LRRC9: variants seen among roughly 807,000 people sequenced by gnomAD.
The protein encoded by LRRC9 is leucine rich repeat containing 9.
A neutral mutation model predicts 63.2 loss-of-function variants in LRRC9; 122 were observed. The ratio of observed to expected loss-of-function variants is 1.93; its 90% CI spans 1.67 to 2.24. The LOEUF is 2.24. Among genes scored for constraint, LRRC9 ranks in the 30% most tolerant of loss-of-function variants. The pLI, the probability that LRRC9 is intolerant of heterozygous loss-of-function variation, is 0.00. For missense variants in LRRC9, 1,071 were observed against 627.7 expected (o/e 1.71, Z -7.55); for synonymous variants, 366 against 213.1 (o/e 1.72, Z -6.25).
Position 59,929,629 on chromosome 14 carries a change from A to G in LRRC9, c.267+1143A>G, listed in dbSNP as rs935096155. On this transcript the variant is annotated intron_variant, in intron 3 of 31. Coordinates refer to ENST00000445360, the Ensembl canonical transcript of LRRC9. The stretch of plus-strand genomic sequence containing the variant: ...CTATCATAAACACACATGCACGTGT[A>G]TGTTCATTACAGCAGTATTCACTAG... Among the ~76,000 whole-genome samples the G allele has an allele frequency of 3.9e-5, 6 of 152,298 alleles. No individual in the cohort carries two copies. In the East Asian group the frequency reaches 9.6e-4, roughly 24 times the overall value.
At position 59,951,959 on chromosome 14, in the gene LRRC9, C is replaced by G. The variant is rs199925545; in HGVS notation, c.882+7215C>G. Among the ~76,000 whole-genome samples the G allele has an allele frequency of 3.3e-3, 499 of 152,006 alleles. 17 individuals are homozygous for G. In the East Asian group the frequency reaches 0.056, roughly 17 times the overall value. On this transcript the variant is annotated intron_variant, in intron 8 of 31. Transcript: ENST00000445360. ...AGATTACTGCTGTCTTTTTGTTTGT[C>G]TGTGCCCTGCCCCCAGAGGTGGAGC...
At chr14:60,033,858 T>C (rs921580991) in intron 29 of LRRC9, among the ~76,000 whole-genome samples, 2 of 152,058 alleles carry the variant, frequency 1.3e-5, no homozygotes, top group African/African-American at 4.8e-5. Flanking sequence ...TTAAACCTTA[T>C]CTCTAGAACT....
In LRRC9 at chr14:59,942,702, T is replaced by C. The variant is rs1881908113; in HGVS notation, c.727-1887T>C. Among the ~76,000 whole-genome samples, 1 of 152,018 alleles carries C rather than the reference T, an allele frequency of 6.6e-6. No homozygotes were observed. Among genetic ancestry groups the C allele is most frequent in the Admixed American group, 6.5e-5 (1 of 15,268 alleles). The stretch of plus-strand genomic sequence containing the variant: ...GATATCACACCACTGCACTTCAGCC[T>C]GGGTGACAGAGTGAGACTCCGTCTC... On this transcript the variant is annotated intron_variant, in intron 7 of 31. Transcript: ENST00000445360. The surrounding 1 kb of genome is among the most constrained non-coding windows in gnomAD (Gnocchi z 5.3).
exon 13 of LRRC9, chr14:59,974,640 T>C (rs1174522028): frequency 1.9e-5 from 13 of 693,582 alleles, no homozygotes; most frequent in South Asian, 1.8e-4. Flanking sequence ...TGTCCCAGAA[T>C]TGAATTTTTA....
chr14:59,997,169 A>C (rs36024705), intron 17 of LRRC9, among the ~76,000 whole-genome samples: 1 of 152,010 alleles, frequency 6.6e-6, no homozygotes. Context: ...CAAATTTCCA[A>C]CAAGGAACAT....
chr14:59,924,293 T>A (rs899322694), intron 1 of LRRC9, among the ~76,000 whole-genome samples: 1 of 152,170 alleles, frequency 6.6e-6, no homozygotes, highest in African/African-American at 2.4e-5. Context: ...TGGTGCACTA[T>A]TCAAATAAAC....
At chr14:59,993,945 G>A (rs1888453442) in intron 17 of LRRC9, among the ~76,000 whole-genome samples, 1 of 152,122 alleles carries the variant, frequency 6.6e-6, no homozygotes, top group East Asian at 1.9e-4. Context: ...ATTGAACTCA[G>A]CTCTGCACCA....
In LRRC9 at chr14:59,923,683, C is replaced by T. The variant is rs768493959; in HGVS notation, c.-34+3800C>T. On this transcript the variant is annotated intron_variant, in intron 1 of 31. Transcript: ENST00000445360. The surrounding 1 kb of genome is among the most constrained non-coding windows in gnomAD (Gnocchi z 4.2). ...GAGGTGGCTCACGCCTGTAGGCTCA[C>T]GCCTCCCAGCACTCTGGGAAGCTGA... 2.0e-5 allele frequency among the ~76,000 whole-genome samples: 3 copies of T among 152,186 alleles called. No homozygotes were observed. The highest frequency in any genetic ancestry group is 7.2e-5 in the African/African-American group (3 of 41,440).
At chr14:60,037,072 A>C (rs879475590) in intron 29 of LRRC9, among the ~76,000 whole-genome samples, 5 of 152,266 alleles carry the variant, frequency 3.3e-5, no homozygotes, top group Admixed American at 3.3e-4. Flanking sequence ...AGCTCCATCC[A>C]TGTCCCTACA....
rs141498240 is a variant in LRRC9, at chr14:59,968,507, T to C, written c.1506+1294T>C. Reference sequence around the variant, plus strand: ...TTCCATCCACTCAGTGGAGAATGGGTTGGTGGGAGTAGAAGCAGATGACAA... The same window carrying C: ...TTCCATCCACTCAGTGGAGAATGGGCTGGTGGGAGTAGAAGCAGATGACAA... On this transcript the variant is annotated intron_variant, in intron 12 of 31. Coordinates refer to ENST00000445360, the Ensembl canonical transcript of LRRC9. Among the ~76,000 whole-genome samples the C allele has an allele frequency of 3.9e-5, 6 of 152,078 alleles. No homozygotes were observed. The East Asian group carries it at 1.2e-3, about 29-fold the overall frequency.
chr14:59,934,451 A>AC (rs1889965708), intron 6 of LRRC9, among the ~76,000 whole-genome samples: 1 of 152,224 alleles, frequency 6.6e-6, no homozygotes, highest in African/African-American at 2.4e-5. Flanking sequence ...AAGAGCAGTC[A>AC]TACCTTACAA....
intron 17 of LRRC9, among the ~76,000 whole-genome samples, chr14:59,992,062 C>T (rs1046496065): frequency 1.3e-5 from 2 of 152,178 alleles, no homozygotes; most frequent in African/African-American, 2.4e-5. Flanking sequence ...AGGCACCCCC[C>T]AGTAAGGGCA....
intron 28 of LRRC9, among the ~76,000 whole-genome samples, chr14:60,030,579 C>G (rs1891912341): frequency 6.6e-6 from 1 of 152,018 alleles, no homozygotes; most frequent in African/African-American, 2.4e-5. Context: ...CAGCAAAGGC[C>G]CCAATCCAGG....
intron 29 of LRRC9, among the ~76,000 whole-genome samples, chr14:60,037,259 A>G (rs1360274244): frequency 6.6e-6 from 1 of 152,212 alleles, no homozygotes; most frequent in East Asian, 1.9e-4. Flanking sequence ...AGCTTGGTTT[A>G]TAATCCTTTG....
At chr14:60,032,460 T>G (rs1892070991) in intron 29 of LRRC9, among the ~76,000 whole-genome samples, 1 of 152,104 alleles carries the variant, frequency 6.6e-6, no homozygotes, top group Non-Finnish European at 1.5e-5. Context: ...CCCTTTACAC[T>G]TTTCTATAAA....
intron 12 of LRRC9, among the ~76,000 whole-genome samples, chr14:59,972,332 T>C (rs748617484): frequency 2.0e-5 from 3 of 152,158 alleles, no homozygotes; most frequent in Non-Finnish European, 4.4e-5. Context: ...AAACAGATGA[T>C]TTACTTAACA....
At chr14:59,998,428 A>C (rs1298250320) in intron 18 of LRRC9, among the ~76,000 whole-genome samples, 3 of 152,032 alleles carry the variant, frequency 2.0e-5, no homozygotes, top group Non-Finnish European at 4.4e-5. Flanking sequence ...TCATTACAAA[A>C]ATATGTAGAT....
At chr14:60,045,075 C>A (rs577253598) in intron 29 of LRRC9, among the ~76,000 whole-genome samples, 1 of 92,030 alleles carries the variant, frequency 1.1e-5, no homozygotes. Context: ...TTTTGAAGGT[C>A]TTTGATTTGT....
At chr14:59,928,443 G>T (rs1889399122) in exon 3 of LRRC9, 1 of 695,054 alleles carries the variant, frequency 1.4e-6, no homozygotes, top group East Asian at 2.7e-5. Context: ...TTAGAGCCTT[G>T]TTTACAACTT....
Sources: allele counts gnomAD v4.1 joint callset (sites outside exome capture counted in the v4.1 genomes callset), GRCh38; gene constraint gnomAD v4.1.1; non-coding constraint Gnocchi (gnomAD v3.1); transcripts MANE v1.5; gene names NCBI Gene and HGNC (gene_info 2026-07-23, HGNC 2026-07-21).